Variants in LINGO2 observed in about 807,000 individuals in gnomAD.
The protein encoded by LINGO2 is leucine rich repeat and Ig domain containing 2.
A neutral mutation model predicts 30.6 loss-of-function variants in LINGO2; 14 were observed. The observed-to-expected ratio is 0.46, with a 90% CI of 0.30 to 0.72. The LOEUF is 0.72. Ranked by LOEUF, LINGO2 falls within the 30% of genes least tolerant of loss-of-function variation. The pLI, the probability that LINGO2 is intolerant of heterozygous loss-of-function variation, is 0.07. For missense variants in LINGO2, 729 were observed against 751.7 expected, an observed-to-expected ratio of 0.97 and a Z score of 0.35; for synonymous variants, 317 against 288.5, an observed-to-expected ratio of 1.10 and a Z score of -1.00.
chr9:29,014,372 G>T, the LINGO2 span, among the ~76,000 whole-genome samples: 1 of 152,060 alleles, frequency 6.6e-6, no homozygotes, highest in South Asian at 2.1e-4. Context: ...GCCTATTTTG[G>T]GTTAGATACC....
intron 5 of LINGO2, among the ~76,000 whole-genome samples, chr9:28,001,903 T>C (rs756214259): frequency 2.6e-5 from 4 of 152,216 alleles, no homozygotes; most frequent in African/African-American, 4.8e-5. Flanking sequence ...ATTTTGATAA[T>C]TGATACATTG....
the LINGO2 span, among the ~76,000 whole-genome samples, chr9:29,141,379 C>T: frequency 1.3e-5 from 2 of 151,166 alleles, no homozygotes; most frequent in African/African-American, 4.8e-5. Context: ...TTTTACGAAG[C>T]CTAATGGAAA....
chr9:28,814,564 C>A, the LINGO2 span, among the ~76,000 whole-genome samples: 246 of 152,236 alleles, frequency 1.6e-3, 4 homozygotes, highest in Admixed American at 0.015. Context: ...CAAATCTATT[C>A]TCCCTAGCAC....
intron 2 of LINGO2, among the ~76,000 whole-genome samples, chr9:28,392,315 C>G (rs1479075050): frequency 6.6e-6 from 1 of 152,142 alleles, no homozygotes; most frequent in Non-Finnish European, 1.5e-5. Context: ...AGGAAGGCTA[C>G]TTGAGAAAAA....
intron 5 of LINGO2, among the ~76,000 whole-genome samples, chr9:27,999,160 T>C (rs1458697499): frequency 6.6e-6 from 1 of 151,132 alleles, no homozygotes; most frequent in African/African-American, 2.4e-5. Context: ...TTAGTGCACA[T>C]AACTAAAAAT....
the LINGO2 span, among the ~76,000 whole-genome samples, chr9:29,193,346 C>T: frequency 1.3e-5 from 2 of 152,070 alleles, no homozygotes; most frequent in Non-Finnish European, 2.9e-5. Flanking sequence ...ACACCATGCT[C>T]ACCCACTCCA....
intron 4 of LINGO2, among the ~76,000 whole-genome samples, chr9:28,243,206 C>T (rs1821865847): frequency 6.6e-6 from 1 of 152,056 alleles, no homozygotes. Flanking sequence ...GCCTGTAATC[C>T]TAGCACTTTG....
chr9:28,867,486 A>G, the LINGO2 span, among the ~76,000 whole-genome samples: 2 of 149,158 alleles, frequency 1.3e-5, no homozygotes, highest in African/African-American at 2.4e-5. Context: ...CAAGTAAAGA[A>G]AAAAAAAAAA....
chr9:28,041,125 A>G (rs1030511301), intron 4 of LINGO2, among the ~76,000 whole-genome samples: 5 of 152,222 alleles, frequency 3.3e-5, no homozygotes, highest in Non-Finnish European at 7.3e-5. Context: ...TGTTGACTGA[A>G]AAATGTTCCC....
chr9:28,943,275 C>T, the LINGO2 span, among the ~76,000 whole-genome samples: 1 of 151,926 alleles, frequency 6.6e-6, no homozygotes, highest in Non-Finnish European at 1.5e-5. Flanking sequence ...AACACTGCAT[C>T]CATAAGACAT....
chr9:28,966,624 C>T, the LINGO2 span, among the ~76,000 whole-genome samples: 1 of 152,046 alleles, frequency 6.6e-6, no homozygotes, highest in South Asian at 2.1e-4. Flanking sequence ...TAACTTATGT[C>T]ACTTAGCGTA....
At chr9:27,965,273 A>AT (rs1221069751) in intron 5 of LINGO2, among the ~76,000 whole-genome samples, 3 of 150,742 alleles carry the variant, frequency 2.0e-5, no homozygotes, top group South Asian at 2.1e-4. Context: ...GACTCTCAGT[A>AT]TTTTTTTTTC....
At chr9:28,737,640 C>T in the LINGO2 span, among the ~76,000 whole-genome samples, 23 of 7,852 alleles carry the variant, frequency 2.9e-3, no homozygotes, top group South Asian at 0.21. Context: ...AAATGGCACT[C>T]TCTGGACTTA....
the LINGO2 span, among the ~76,000 whole-genome samples, chr9:28,894,498 T>C: frequency 6.6e-6 from 1 of 152,014 alleles, no homozygotes; most frequent in Non-Finnish European, 1.5e-5. Context: ...TCTTGCTTAG[T>C]AGTAAATTTA....
At chr9:28,252,171 G>A (rs1822224294) in intron 4 of LINGO2, among the ~76,000 whole-genome samples, 1 of 152,080 alleles carries the variant, frequency 6.6e-6, no homozygotes, top group Non-Finnish European at 1.5e-5. Context: ...ATTTGCAGTG[G>A]TCTATACAAA....
the LINGO2 span, among the ~76,000 whole-genome samples, chr9:28,972,048 A>C: frequency 2.0e-5 from 3 of 152,230 alleles, no homozygotes; most frequent in African/African-American, 7.2e-5. Context: ...AGACCATCAA[A>C]GCAGTACCTT....
At chr9:28,827,656 TG>T in the LINGO2 span, among the ~76,000 whole-genome samples, 1 of 152,136 alleles carries the variant, frequency 6.6e-6, no homozygotes, top group African/African-American at 2.4e-5. Context: ...GATAATACGT[TG>T]GGAAGCATAT....
At chr9:28,551,365 TTTA>T (rs1271371978) in intron 1 of LINGO2, among the ~76,000 whole-genome samples, 2 of 151,828 alleles carry the variant, frequency 1.3e-5, no homozygotes, top group African/African-American at 2.4e-5. Flanking sequence ...AGTATGTATA[TTTA>T]TTATTACCTA....
chr9:27,990,154 T>C (rs2119015544), intron 5 of LINGO2, among the ~76,000 whole-genome samples: 1 of 152,188 alleles, frequency 6.6e-6, no homozygotes, highest in East Asian at 1.9e-4. Context: ...ATTGTCCAAC[T>C]GTTAGGCTGA....
Sources: allele counts gnomAD v4.1 joint callset (sites outside exome capture counted in the v4.1 genomes callset), GRCh38; gene constraint gnomAD v4.1.1; transcripts MANE v1.5; gene names NCBI Gene and HGNC (gene_info 2026-07-23, HGNC 2026-07-21).